PCDHGA3: variants seen among roughly 807,000 people sequenced by gnomAD.
The protein encoded by PCDHGA3 is protocadherin gamma subfamily A, 3, also known as protocadherin gamma-A3.
Under a neutral mutation model 58.5 loss-of-function variants are expected in PCDHGA3, and 40 were observed. That is an observed-to-expected ratio of 0.68 (90% CI 0.53 to 0.89). The LOEUF (loss-of-function observed/expected upper bound fraction) is 0.89, where lower values mean the gene tolerates loss of function less well. Among genes scored for constraint, PCDHGA3 ranks in the 40% least tolerant of loss-of-function variants. The pLI, the probability that PCDHGA3 is intolerant of heterozygous loss-of-function variation, is 0.00. For synonymous variants in PCDHGA3, 530 were observed against 525.7 expected, an observed-to-expected ratio of 1.01 and a Z score of -0.11; for missense variants, 1,223 against 1,195.9, an observed-to-expected ratio of 1.02 and a Z score of -0.33.
At chr5:141,372,161 C>A in intron 1 of PCDHGA3, 1 of 1,613,776 alleles carries the variant, frequency 6.2e-7, no homozygotes, top group Non-Finnish European at 8.5e-7. Flanking sequence ...ACCTGGTGAC[C>A]AAGGTGGTGG....
chr5:141,505,557 A>C (rs2099846692), intron 3 of PCDHGA3, 76 bp downstream of exon 3: 1 of 1,606,080 alleles, frequency 6.2e-7, no homozygotes, highest in Non-Finnish European at 8.5e-7. Flanking sequence ...CACCATGCCC[A>C]CGGACTGGAT....
intron 1 of PCDHGA3, among the ~76,000 whole-genome samples, chr5:141,347,056 T>TTCCTTCCTTCCTTCCTCTCTCTCTTTCC (rs1561493149): frequency 7.4e-6 from 1 of 135,426 alleles, no homozygotes; most frequent in African/African-American, 3.1e-5. Flanking sequence ...TCTTTCCTCC[T>TTCCTTCCTTCCTTCCTCTCTCTCTTTCC]TCCTTCCTTC....
At position 141,476,591 on chromosome 5, in the gene PCDHGA3, G is replaced by C. The variant is rs200254399; in HGVS notation, c.2425-18216G>C. The C allele has an allele frequency of 6.2e-7, 1 of 1,614,230 alleles. No homozygotes were observed. Among genetic ancestry groups the C allele is most frequent in the East Asian group, 2.2e-5 (1 of 44,870 alleles). On this transcript the variant is annotated intron_variant, in intron 1 of 3. Coordinates refer to ENST00000253812, the MANE Select transcript of PCDHGA3 (RefSeq NM_018916.4). This position sits in a 1 kb window ranked among gnomAD's most constrained non-coding sequence, Gnocchi z 7.6. ...GGGGACGCGCTTTCCGCTCGAGAGCGCGCACGATCCCGATGTGGGAAGCAA... is the reference window on the plus strand; with the variant it reads ...GGGGACGCGCTTTCCGCTCGAGAGCCCGCACGATCCCGATGTGGGAAGCAA...
At chr5:141,371,332 A>T (rs1481476869) in intron 1 of PCDHGA3, 1 of 1,613,988 alleles carries the variant, frequency 6.2e-7, no homozygotes, top group South Asian at 1.1e-5. Flanking sequence ...GAAGAGAGAG[A>T]TAGCTACACA....
In PCDHGA3 at chr5:141,413,208, A is replaced by G. The variant is rs532127106; in HGVS notation, c.2424+66751A>G. The G allele has an allele frequency of 3.5e-5, 57 of 1,612,984 alleles. No individual in the cohort carries two copies. The African/African-American group carries it at 5.2e-4, about 15-fold the overall frequency. On this transcript the variant is annotated intron_variant, in intron 1 of 3. Coordinates refer to ENST00000253812, the MANE Select transcript of PCDHGA3 (RefSeq NM_018916.4). ...CTCAAAGGAATCGCTCAAAGGAATC[A>G]AAGGATTGCAGCGGGCTGGTCCTGC... is the stretch of plus-strand genomic sequence containing the variant.
intron 1 of PCDHGA3, chr5:141,423,360 G>T (rs762976655): frequency 1.2e-6 from 2 of 1,614,224 alleles, no homozygotes; most frequent in South Asian, 2.2e-5. Context: ...TTGTCATCGT[G>T]CTGCTGGCAC....
In PCDHGA3 at chr5:141,490,823, A is replaced by T. The variant is rs1340589166; in HGVS notation, c.2425-3984A>T. ...CGTACCTTTGACTATGAATTGCTGC[A>T]GATGCTGCAGATTGTGGTGGGGGTT... On this transcript the variant is annotated intron_variant, in intron 1 of 3. Transcript: ENST00000253812. This position sits in a 1 kb window ranked among gnomAD's most constrained non-coding sequence, Gnocchi z 5.4. 13 of 1,613,928 alleles carry T rather than the reference A, an allele frequency of 8.1e-6. No individual in the cohort carries two copies. Among genetic ancestry groups the T allele is most frequent in the Non-Finnish European group, 9.3e-6 (11 of 1,179,864 alleles).
At chr5:141,392,585 G>A (rs749915419) in intron 1 of PCDHGA3, 4 of 468,068 alleles carry the variant, frequency 8.5e-6, no homozygotes, top group Non-Finnish European at 1.5e-5. Context: ...TGTAAGCGCC[G>A]CTGTTCACCT....
At chr5:141,350,183 A>G in intron 1 of PCDHGA3, 1 of 1,343,484 alleles carries the variant, frequency 7.4e-7, no homozygotes, top group East Asian at 2.5e-5. Flanking sequence ...CTAAGCTCAA[A>G]TCACAGAAGT....
Position 141,490,293 on chromosome 5 carries a change from A to G in PCDHGA3, c.2425-4514A>G, listed in dbSNP as rs1316965652. On this transcript the variant is annotated intron_variant, in intron 1 of 3. Transcript: ENST00000253812. The surrounding 1 kb of genome is among the most constrained non-coding windows in gnomAD (Gnocchi z 5.4). ...TCAATGACAATGCCCCAGAGGTGCTATTGGCCTCTTTGGCCAACCCTGTCC... is the reference window on the plus strand; with the variant it reads ...TCAATGACAATGCCCCAGAGGTGCTGTTGGCCTCTTTGGCCAACCCTGTCC... The G allele has an allele frequency of 1.2e-6, 2 of 1,614,190 alleles. No individual in the cohort carries two copies. The highest frequency in any genetic ancestry group is 8.5e-7 in the Non-Finnish European group (1 of 1,180,028).
chr5:141,481,679 C>T (rs2099541734), intron 1 of PCDHGA3, among the ~76,000 whole-genome samples: 1 of 151,948 alleles, frequency 6.6e-6, no homozygotes, highest in Non-Finnish European at 1.5e-5. Context: ...TCAGGCCGGG[C>T]CTGGTGGCTC....
intron 1 of PCDHGA3, chr5:141,423,124 C>T (rs748586131): frequency 1.9e-6 from 3 of 1,613,778 alleles, no homozygotes; most frequent in Non-Finnish European, 1.7e-6. Context: ...AGCGCGGGCA[C>T]TGCTGGACAG....
chr5:141,351,865 C>G (rs765417366), intron 1 of PCDHGA3: 74 of 1,613,128 alleles, frequency 4.6e-5, no homozygotes, highest in Middle Eastern at 1.6e-4. Context: ...ACCAGGGCTC[C>G]CCCGCGCTCA....
In PCDHGA3 at chr5:141,344,068, G is replaced by T; in HGVS notation, c.35G>T (p.Gly12Val). The change falls in exon 1 of 4, where the codon GGA (glycine) becomes GTA (valine). Residue 12 changes from glycine (G) to valine (V), a missense_variant. Around this residue, in one of 3 missense-constraint regions of PCDHGA3, gnomAD observed 791 missense variants for 708.5 expected, o/e 1.12. Coordinates refer to ENST00000253812, the MANE Select transcript of PCDHGA3 (RefSeq NM_018916.4). The part of the protein sequence containing the change: ...TNCLSFRNGR[G>V]LALLCALLGT... The stretch of plus-strand genomic sequence containing the variant: ...TGCCTGAGTTTCCGAAATGGCAGAG[G>T]ACTGGCCCTGCTGTGCGCGCTCCTG... 1 of 1,600,522 alleles carries T rather than the reference G, an allele frequency of 6.2e-7. No individual in the cohort carries two copies. Among genetic ancestry groups the T allele is most frequent in the Non-Finnish European group, 8.5e-7 (1 of 1,172,354 alleles).
intron 1 of PCDHGA3, chr5:141,370,747 A>G (rs780618979): frequency 1.2e-5 from 19 of 1,613,952 alleles, no homozygotes; most frequent in Middle Eastern, 3.3e-4. Context: ...AACTTTTTTC[A>G]TGTAACTGTG....
rs772289069 is a variant in PCDHGA3 at position 141,346,371 on chromosome 5, A to G, written c.2338A>G (p.Ile780Val). 3.7e-6 allele frequency: 6 copies of G among 1,613,258 alleles called. No individual in the cohort carries two copies. Among genetic ancestry groups the G allele is most frequent in the East Asian group, 2.2e-5 (1 of 44,878 alleles). ...FPQPNYADTL[I>V]SQESCEKSEP... is the part of the protein sequence containing the mutation. ...CCAGCCCAACTATGCGGACACGCTC[A>G]TCAGCCAGGAGAGCTGTGAGAAAAG... Residue 780 changes from isoleucine to valine, a missense_variant, in exon 1 of 4, where the codon ATC (isoleucine) becomes GTC (valine). This residue lies in a region of PCDHGA3 where 325 missense variants were observed against 327.5 expected (regional missense o/e 0.99). Coordinates refer to ENST00000253812, the MANE Select transcript of PCDHGA3 (RefSeq NM_018916.4).
chr5:141,390,526 T>C, intron 1 of PCDHGA3: 1 of 548,274 alleles, frequency 1.8e-6, no homozygotes, highest in East Asian at 3.2e-5. Context: ...AATGAGGGTG[T>C]GGTTTTAACC....
At chr5:141,365,912 C>G in intron 1 of PCDHGA3, 1 of 1,614,238 alleles carries the variant, frequency 6.2e-7, no homozygotes, top group Non-Finnish European at 8.5e-7. Flanking sequence ...GTTGAGAGAC[C>G]TACAGTTGTG....
chr5:141,395,022 G>A lies in PCDHGA3; in HGVS notation c.2424+48565G>A, dbSNP rs2093150969. ...CGGTGGCAGATTGGTAGGCGTGCCT[G>A]CCTCACATTTTGTGGGTGTTGAGGA... On this transcript the variant is annotated intron_variant, in intron 1 of 3. Transcript: ENST00000253812. 1 of 1,614,128 alleles carries A rather than the reference G, an allele frequency of 6.2e-7. No homozygotes were observed. The highest frequency in any genetic ancestry group is 1.3e-5 in the African/African-American group (1 of 75,036).
Sources: allele counts gnomAD v4.1 joint callset (sites outside exome capture counted in the v4.1 genomes callset), GRCh38; gene constraint gnomAD v4.1.1; regional missense constraint gnomAD v4.1.1; non-coding constraint Gnocchi (gnomAD v3.1); transcripts MANE v1.5; gene names NCBI Gene and HGNC (gene_info 2026-07-23, HGNC 2026-07-21).